The following CRCP variants were observed in gnomAD, a reference collection of about 807,000 sequenced individuals.
The protein encoded by CRCP is CGRP receptor component.
A neutral mutation model predicts 18.5 loss-of-function variants in CRCP; 18 were observed. That is an observed-to-expected ratio of 0.97 (90% CI 0.67 to 1.44). The LOEUF (loss-of-function observed/expected upper bound fraction) is 1.44. Ranked by LOEUF, CRCP falls within the 40% of genes most tolerant of loss-of-function variation. The pLI, the probability that CRCP is intolerant of heterozygous loss-of-function variation, is 0.00. For missense variants in CRCP, 130 were observed against 176.4 expected, an observed-to-expected ratio of 0.74 and a Z score of 1.49; for synonymous variants, 53 against 62.9, an observed-to-expected ratio of 0.84 and a Z score of 0.75.
chr7:66,128,114 C>CA (rs5884582), intron 2 of CRCP, among the ~76,000 whole-genome samples: 88,853 of 130,260 alleles, frequency 0.68, 29,174 homozygotes, highest in Admixed American at 0.73. Flanking sequence ...GGCTCTGTCT[C>CA]AAAAAAAAAA....
In CRCP at chr7:66,115,187, G is replaced by A. The variant is rs1192359865; in HGVS notation, c.8+217G>A. 2.0e-5 allele frequency among the ~76,000 whole-genome samples: 3 copies of A among 152,192 alleles called. No homozygotes were observed. The East Asian group carries it at 5.8e-4, about 29-fold the overall frequency. ...TCGCTTCCCCTCCACGCCGTGTCTG[G>A]TGCGGGGCCGAGCACTTCCGTGTCC... On this transcript the variant is annotated intron_variant, in intron 1 of 5. Coordinates refer to ENST00000395326, the MANE Select transcript of CRCP (RefSeq NM_014478.5).
At position 66,114,862 on chromosome 7, in the gene CRCP, G is replaced by T. The variant is rs1054465685; in HGVS notation, c.-101G>T. The T allele has an allele frequency of 6.2e-7, 1 of 1,600,238 alleles. No individual in the cohort carries two copies. Among genetic ancestry groups the T allele is most frequent in the African/African-American group, 1.3e-5 (1 of 74,640 alleles). ...CGGCGATCCCGGCGAGCACCTTGGCGCGCGGAGCTGGCACCTTGGCGCTGT... is the reference window on the plus strand; with the variant it reads ...CGGCGATCCCGGCGAGCACCTTGGCTCGCGGAGCTGGCACCTTGGCGCTGT... On this transcript the variant is annotated 5_prime_UTR_variant, in exon 1 of 6. Coordinates refer to ENST00000395326, the MANE Select transcript of CRCP (RefSeq NM_014478.5).
chr7:66,146,874 C>T (rs1788314085), intron 5 of CRCP, among the ~76,000 whole-genome samples: 1 of 152,128 alleles, frequency 6.6e-6, no homozygotes. Context: ...GAAACGAATC[C>T]CTGTCCCTCT....
Position 66,127,746 on chromosome 7 carries a change from T to C in CRCP, c.45+6T>C, listed in dbSNP as rs1308131583. 2 of 1,613,818 alleles carry C rather than the reference T, an allele frequency of 1.2e-6. No individual in the cohort carries two copies. The highest frequency in any genetic ancestry group is 1.7e-6 in the Non-Finnish European group (2 of 1,179,888). ...CGCTTCTCAGTAACTACGAGGTAAA[T>C]TGGATTGTTACATTTTCCTCTCTGA... On this transcript the variant is annotated splice_donor_region_variant and intron_variant, in intron 2 of 5. Coordinates refer to ENST00000395326, the MANE Select transcript of CRCP (RefSeq NM_014478.5).
chr7:66,120,254 C>CCT (rs1310265242), intron 1 of CRCP, among the ~76,000 whole-genome samples: 1 of 152,120 alleles, frequency 6.6e-6, no homozygotes, highest in Non-Finnish European at 1.5e-5. Context: ...TTGGTTGAAT[C>CCT]TAAGGATGTG....
At chr7:66,131,846 C>T (rs1010761425) in intron 3 of CRCP, among the ~76,000 whole-genome samples, 2 of 151,800 alleles carry the variant, frequency 1.3e-5, no homozygotes, top group African/African-American at 2.4e-5. Context: ...CGGCTCACCT[C>T]TGGCTCCCGG....
At chr7:66,151,907 T>C (rs316304) in intron 5 of CRCP, among the ~76,000 whole-genome samples, 15,761 of 151,826 alleles carry the variant, frequency 0.1, 1,002 homozygotes, top group South Asian at 0.2. Context: ...TTTTTTTTGT[T>C]TGTTTTTAAG....
At chr7:66,117,180 G>C (rs1488985373) in intron 1 of CRCP, among the ~76,000 whole-genome samples, 2 of 151,174 alleles carry the variant, frequency 1.3e-5, no homozygotes, top group African/African-American at 4.9e-5. Context: ...TGATTTTCTG[G>C]CCTCAACTTT....
intron 5 of CRCP, 72 bp downstream of exon 5, chr7:66,145,572 C>G (rs1788269666): frequency 5.2e-6 from 8 of 1,533,522 alleles, no homozygotes; most frequent in Middle Eastern, 1.7e-4. Context: ...GTGGACAAGC[C>G]AGGAACTGCG....
intron 1 of CRCP, among the ~76,000 whole-genome samples, chr7:66,123,383 C>G (rs184899501): frequency 1.3e-5 from 2 of 152,162 alleles, no homozygotes; most frequent in African/African-American, 4.8e-5. Flanking sequence ...CAGACAGTTC[C>G]TGCTTTGTAG....
chr7:66,138,884 T>C (rs975185569), intron 4 of CRCP, among the ~76,000 whole-genome samples: 7 of 151,738 alleles, frequency 4.6e-5, no homozygotes, highest in South Asian at 2.1e-4. Flanking sequence ...AGCTTTTTTT[T>C]CCCCAGTTTA....
At chr7:66,124,741 C>T (rs1250674630) in intron 1 of CRCP, among the ~76,000 whole-genome samples, 3 of 126,662 alleles carry the variant, frequency 2.4e-5, no homozygotes, top group Admixed American at 7.7e-5. Context: ...CACACACTTA[C>T]TTTACTGAAC....
At chr7:66,145,365 A>C in intron 4 of CRCP, 78 bp from the exon 5 acceptor site, 1 of 1,466,792 alleles carries the variant, frequency 6.8e-7, no homozygotes, top group Non-Finnish European at 9.5e-7. Context: ...TATCTGGCAA[A>C]TTATTCTCTG....
intron 2 of CRCP, among the ~76,000 whole-genome samples, chr7:66,128,114 CA>C (rs5884582): frequency 1.0e-3 from 131 of 130,462 alleles, no homozygotes; most frequent in Non-Finnish European, 1.3e-3. Context: ...GGCTCTGTCT[CA>C]AAAAAAAAAA....
chr7:66,119,619 A>AT (rs1170940357), intron 1 of CRCP: 10 of 152,218 alleles, frequency 6.6e-5, no homozygotes, highest in African/African-American at 2.4e-4. Flanking sequence ...TGGCTGCAGA[A>AT]TTGATTGCTT....
At chr7:66,128,277 A>AT (rs1251468102) in intron 2 of CRCP, among the ~76,000 whole-genome samples, 1 of 152,154 alleles carries the variant, frequency 6.6e-6, no homozygotes, top group Non-Finnish European at 1.5e-5. Context: ...GGAAGACTCT[A>AT]TTTTAGAGGG....
chr7:66,118,318 G>C (rs748724382), intron 1 of CRCP, among the ~76,000 whole-genome samples: 4 of 152,140 alleles, frequency 2.6e-5, no homozygotes, highest in East Asian at 1.9e-4. Context: ...GTTGCCTTTC[G>C]TCTTCAGTAA....
chr7:66,141,197 T>C (rs1275536667), intron 4 of CRCP, among the ~76,000 whole-genome samples: 1 of 152,178 alleles, frequency 6.6e-6, no homozygotes, highest in Non-Finnish European at 1.5e-5. Context: ...AACTTGCAGC[T>C]CTTGTTATAT....
At chr7:66,151,618 T>C (rs1392954183) in intron 5 of CRCP, among the ~76,000 whole-genome samples, 1 of 151,190 alleles carries the variant, frequency 6.6e-6, no homozygotes, top group Non-Finnish European at 1.5e-5. Flanking sequence ...TAAAAGTACA[T>C]AAAGTGCCAT....
Sources: allele counts gnomAD v4.1 joint callset (sites outside exome capture counted in the v4.1 genomes callset), GRCh38; gene constraint gnomAD v4.1.1; transcripts MANE v1.5; gene names NCBI Gene and HGNC (gene_info 2026-07-23, HGNC 2026-07-21).